BLTP1: variants seen among roughly 807,000 people sequenced by gnomAD.
BLTP1 encodes bridge-like lipid transfer protein family member 1.
the BLTP1 span, chr4:122,261,713 GT>G: frequency 1.0e-6 from 1 of 983,838 alleles, no homozygotes; most frequent in Non-Finnish European, 1.2e-6. Context: ...TAGTAAGTAT[GT>G]AAGGGACTTT....
At chr4:122,305,949 C>G in the BLTP1 span, 10 of 1,612,040 alleles carry the variant, frequency 6.2e-6, no homozygotes, top group Non-Finnish European at 8.5e-6. Flanking sequence ...AAGAAATGCC[C>G]TCCGAGAAGA....
the BLTP1 span, chr4:122,261,212 A>G: frequency 1.3e-6 from 1 of 751,546 alleles, no homozygotes; most frequent in Non-Finnish European, 1.6e-6. Flanking sequence ...TATTGAGCTT[A>G]TTGTTTCCAC....
chr4:122,224,870 C>T, the BLTP1 span: 1 of 1,483,614 alleles, frequency 6.7e-7, no homozygotes, highest in Non-Finnish European at 8.9e-7. Context: ...TTCTGAGCCA[C>T]ATATAATTTG....
the BLTP1 span, chr4:122,258,768 A>C: frequency 3.7e-5 from 59 of 1,613,914 alleles, no homozygotes; most frequent in African/African-American, 7.1e-4. Context: ...GTAGCTCTGG[A>C]CCTGTAACTG....
At chr4:122,170,453 A>T in the BLTP1 span, 1 of 1,299,296 alleles carries the variant, frequency 7.7e-7, no homozygotes, top group African/African-American at 1.6e-5. Context: ...TTTAGTAGAA[A>T]TGTGGGCATT....
chr4:122,187,540 T>G, the BLTP1 span: 1 of 1,596,316 alleles, frequency 6.3e-7, no homozygotes, highest in East Asian at 2.2e-5. Flanking sequence ...CAATTACTGT[T>G]TCATGGGGTA....
the BLTP1 span, chr4:122,334,413 A>G: frequency 1.2e-6 from 2 of 1,612,910 alleles, no homozygotes; most frequent in African/African-American, 1.3e-5. Context: ...CTTGCCAAGA[A>G]CACTGTCCAA....
chr4:122,339,320 G>A, the BLTP1 span: 1 of 1,613,538 alleles, frequency 6.2e-7, no homozygotes, highest in African/African-American at 1.3e-5. Flanking sequence ...AGACTTTAGG[G>A]ACTACATATC....
chr4:122,315,116 T>C, the BLTP1 span, among the ~76,000 whole-genome samples: 2 of 152,158 alleles, frequency 1.3e-5, no homozygotes, highest in Non-Finnish European at 2.9e-5. Flanking sequence ...CCAGGCAAAA[T>C]ATCTTATTTT....
chr4:122,171,115 AT>A, the BLTP1 span, among the ~76,000 whole-genome samples: 1 of 152,138 alleles, frequency 6.6e-6, no homozygotes, highest in Non-Finnish European at 1.5e-5. Context: ...AAATAATTCT[AT>A]TTTTATAGTA....
At chr4:122,254,730 A>G in the BLTP1 span, 1 of 1,378,098 alleles carries the variant, frequency 7.3e-7, no homozygotes. Context: ...ACCACTAAGT[A>G]CAGTAGGTAT....
the BLTP1 span, chr4:122,325,303 T>G: frequency 2.5e-5 from 41 of 1,608,758 alleles, no homozygotes; most frequent in Non-Finnish European, 3.4e-5. Flanking sequence ...TAGAGTAACT[T>G]TTAATATCCA....
chr4:122,205,318 A>G, the BLTP1 span, among the ~76,000 whole-genome samples: 1 of 151,972 alleles, frequency 6.6e-6, no homozygotes, highest in East Asian at 1.9e-4. Flanking sequence ...CAAACTTTAC[A>G]TAAATCGTCT....
At chr4:122,219,399 T>G in the BLTP1 span, 2 of 1,614,198 alleles carry the variant, frequency 1.2e-6, no homozygotes, top group South Asian at 2.2e-5. Context: ...TCTCAAGTCC[T>G]GTTTTGTCAC....
At chr4:122,348,626 G>A in the BLTP1 span, 3 of 1,611,286 alleles carry the variant, frequency 1.9e-6, no homozygotes, top group African/African-American at 4.0e-5. Context: ...AAGCCAACAA[G>A]GGACCCCATG....
the BLTP1 span, chr4:122,243,698 C>T: frequency 1.7e-6 from 1 of 602,782 alleles, no homozygotes. Context: ...GCCTAGGTGA[C>T]AGAGTGAGAC....
At chr4:122,209,876 T>C in the BLTP1 span, 2 of 1,613,678 alleles carry the variant, frequency 1.2e-6, no homozygotes, top group East Asian at 2.2e-5. Flanking sequence ...TGATTATACA[T>C]GGCATCCAAT....
At chr4:122,349,866 C>T in the BLTP1 span, 113 of 1,613,218 alleles carry the variant, frequency 7.0e-5, no homozygotes, top group Non-Finnish European at 6.2e-5. The surrounding 1 kb of genome is among the most constrained non-coding windows in gnomAD (Gnocchi z 4.5). Context: ...GTGAGATTTT[C>T]GTCCATGGAG....
At chr4:122,189,904 C>G in the BLTP1 span, 2 of 1,415,760 alleles carry the variant, frequency 1.4e-6, no homozygotes, top group Non-Finnish European at 1.8e-6. Flanking sequence ...TTTTTTTTTC[C>G]TTTTCTTTTC....
Sources: gnomAD v4.1 joint callset for allele counts (sites outside exome capture counted in the v4.1 genomes callset) on GRCh38, gnomAD v4.1.1 for gene constraint, Gnocchi (gnomAD v3.1) non-coding constraint, MANE v1.5 for transcripts, NCBI Gene and HGNC (gene_info 2026-07-23, HGNC 2026-07-21) for gene names.